Variants in IARS1 observed in about 807,000 individuals in gnomAD.
IARS1 encodes isoleucine--tRNA ligase, cytoplasmic.
In IARS1, 124 loss-of-function variants were observed where a neutral mutation model predicts 168.2. That is an observed-to-expected ratio of 0.74 (90% CI 0.64 to 0.86). The LOEUF (loss-of-function observed/expected upper bound fraction) is 0.86. IARS1 is among the 40% of genes least tolerant of loss of function. The probability of loss-of-function intolerance (pLI) is 0.00; values close to 1 mark genes in which losing one functional copy is unlikely to be tolerated. For synonymous variants in IARS1, 532 were observed against 529.4 expected, an observed-to-expected ratio of 1.00 and a Z score of -0.07; for missense variants, 1,452 against 1,515.8, an observed-to-expected ratio of 0.96 and a Z score of 0.70.
Position 92,242,274 on chromosome 9 carries a change from T to A in IARS1, c.3057A>T (p.Gly1019=). 1.9e-6 allele frequency: 3 copies of A among 1,614,010 alleles called. No homozygotes were observed. The African/African-American group carries it at 4.0e-5, about 22-fold the overall frequency. Residue 1019 remains glycine (G), a synonymous_variant, in exon 29 of 34, where the codon GGA becomes GGT. Coordinates refer to ENST00000443024, the MANE Select transcript of IARS1 (RefSeq NM_002161.6). ...TTTCAATAACACTATTCAGATATGTTCCTTCAGACTTTGCTTTATAGTACA... is the reference window on the plus strand; with the variant it reads ...TTTCAATAACACTATTCAGATATGTACCTTCAGACTTTGCTTTATAGTACA... ...ITVYYKAKSE[G]TYLNSVIESH...
chr9:92,237,707 C>T (rs1011925645), intron 30 of IARS1, among the ~76,000 whole-genome samples: 4 of 151,950 alleles, frequency 2.6e-5, no homozygotes, highest in African/African-American at 9.7e-5. Flanking sequence ...TATTTAATGC[C>T]CCTGGTAATT....
intron 30 of IARS1, chr9:92,240,400 A>T: frequency 2.4e-6 from 1 of 410,178 alleles, no homozygotes; most frequent in Admixed American, 4.1e-5. Flanking sequence ...AGTAGCTGGG[A>T]TTATAGGTAC....
chr9:92,254,167 C>T (rs1830406457), intron 20 of IARS1, among the ~76,000 whole-genome samples: 1 of 152,020 alleles, frequency 6.6e-6, no homozygotes, highest in Admixed American at 6.6e-5. Flanking sequence ...TTAAAACAGT[C>T]GAGTAAAAAC....
chr9:92,270,191 C>T (rs1162094161), intron 12 of IARS1, among the ~76,000 whole-genome samples: 3 of 152,000 alleles, frequency 2.0e-5, no homozygotes, highest in East Asian at 1.9e-4. Context: ...AATACAAGAA[C>T]AAGAGTAGAA....
At chr9:92,264,015 C>T (rs1019862684) in intron 16 of IARS1, among the ~76,000 whole-genome samples, 1 of 152,192 alleles carries the variant, frequency 6.6e-6, no homozygotes, top group Non-Finnish European at 1.5e-5. Flanking sequence ...TAACACACCC[C>T]TGCAGAAACA....
intron 14 of IARS1, among the ~76,000 whole-genome samples, chr9:92,267,375 G>A (rs1423223684): frequency 1.3e-5 from 2 of 152,144 alleles, no homozygotes. Context: ...AGGTCCCCAG[G>A]GTGCTGCCGC....
chr9:92,251,709 A>C, intron 22 of IARS1, 99 bp downstream of exon 22: 1 of 804,128 alleles, frequency 1.2e-6, no homozygotes, highest in South Asian at 1.5e-5. Context: ...TTTTTGGCAG[A>C]ATAATACAGA....
intron 5 of IARS1, 26 bp downstream of exon 5, chr9:92,286,510 A>T: frequency 8.3e-7 from 1 of 1,204,748 alleles, no homozygotes; most frequent in Non-Finnish European, 1.2e-6. Context: ...AATATTTACC[A>T]TATTTACAAT....
intron 5 of IARS1, 29 bp from the exon 6 acceptor site, chr9:92,285,868 AG>A: frequency 1.6e-6 from 2 of 1,247,350 alleles, no homozygotes; most frequent in Non-Finnish European, 2.3e-6. Flanking sequence ...TCACAATTAC[AG>A]AACAAAATTC....
chr9:92,215,274 G>A (rs941460620), intron 33 of IARS1, among the ~76,000 whole-genome samples: 2 of 151,916 alleles, frequency 1.3e-5, no homozygotes, highest in Non-Finnish European at 2.9e-5. Flanking sequence ...CCATCTGTAC[G>A]TCACCATCAT....
At position 92,260,250 on chromosome 9, in the gene IARS1, G is replaced by A. The variant is rs774362114; in HGVS notation, c.1788-16C>T. 6 of 1,515,084 alleles carry A rather than the reference G, an allele frequency of 4.0e-6. No homozygotes were observed. In the Admixed American group the frequency reaches 8.3e-5, roughly 21 times the overall value. The allele number at this position is 1,515,084 out of a possible 1,614,324, so 93.9% of individuals were successfully genotyped here. ...TTGGCCATCACTTGTAAAACAAAAGGGAGATGCCAATTAAGTAAGTCAATA... is the reference window on the plus strand; with the variant it reads ...TTGGCCATCACTTGTAAAACAAAAGAGAGATGCCAATTAAGTAAGTCAATA... On this transcript the variant is annotated splice_polypyrimidine_tract_variant and intron_variant, in intron 17 of 33. Coordinates refer to ENST00000443024, the MANE Select transcript of IARS1 (RefSeq NM_002161.6).
intron 17 of IARS1, among the ~76,000 whole-genome samples, chr9:92,261,541 A>C (rs1831527099): frequency 6.6e-6 from 1 of 152,190 alleles, no homozygotes; most frequent in Non-Finnish European, 1.5e-5. Flanking sequence ...TACACACGAT[A>C]GCCGTATACA....
intron 28 of IARS1, 157 bp from the exon 29 acceptor site, chr9:92,242,487 G>A (rs1828582859): frequency 1.6e-6 from 1 of 606,846 alleles, no homozygotes; most frequent in Non-Finnish European, 2.9e-6. Context: ...AAGACTAACT[G>A]CACTCAGTAC....
intron 30 of IARS1, among the ~76,000 whole-genome samples, chr9:92,232,686 C>T (rs908336916): frequency 2.6e-5 from 4 of 152,058 alleles, no homozygotes; most frequent in South Asian, 2.1e-4. Context: ...AATTAATAAG[C>T]CTTAATAATA....
intron 16 of IARS1, among the ~76,000 whole-genome samples, chr9:92,263,549 T>C (rs1221886576): frequency 1.3e-5 from 2 of 152,254 alleles, no homozygotes; most frequent in South Asian, 2.1e-4. Flanking sequence ...AATGAACTCA[T>C]ATCCCTGACC....
At chr9:92,248,398 T>C (rs1000096922) in intron 25 of IARS1, among the ~76,000 whole-genome samples, 2 of 152,256 alleles carry the variant, frequency 1.3e-5, no homozygotes, top group Admixed American at 6.5e-5. Context: ...TTCAGCTGGG[T>C]GTGGTGGCGC....
At chr9:92,275,005 C>A (rs1587863800) in intron 9 of IARS1, among the ~76,000 whole-genome samples, 2 of 152,322 alleles carry the variant, frequency 1.3e-5, no homozygotes, top group East Asian at 3.9e-4. Flanking sequence ...GTTCTACTTA[C>A]AGGTACTCCA....
At chr9:92,253,840 A>G (rs1477270233) in intron 20 of IARS1, 1 of 486,806 alleles carries the variant, frequency 2.1e-6, no homozygotes. Context: ...CCATTGTATT[A>G]CACTGTACTT....
At chr9:92,231,910 T>G (rs1304316204) in intron 30 of IARS1, among the ~76,000 whole-genome samples, 1 of 152,204 alleles carries the variant, frequency 6.6e-6, no homozygotes, top group Non-Finnish European at 1.5e-5. Context: ...AATGCAGATA[T>G]ACAACTTTTA....
Sources: gnomAD v4.1 joint callset for allele counts (sites outside exome capture counted in the v4.1 genomes callset) on GRCh38, gnomAD v4.1.1 for gene constraint, MANE v1.5 for transcripts, NCBI Gene and HGNC (gene_info 2026-07-23, HGNC 2026-07-21) for gene names.